The following ERICH1 variants were observed in gnomAD, a reference collection of about 807,000 sequenced individuals.
ERICH1 encodes glutamate-rich protein 1.
In ERICH1, 56 loss-of-function variants were observed where a neutral mutation model predicts 39.6. The observed-to-expected ratio is 1.41, with a 90% confidence interval of 1.14 to 1.77. The LOEUF (loss-of-function observed/expected upper bound fraction) is 1.77. Ranked by LOEUF, ERICH1 falls within the 40% of genes most tolerant of loss-of-function variation. The pLI is 0.00. For synonymous variants in ERICH1, 313 were observed against 223.6 expected, an observed-to-expected ratio of 1.40 and a Z score of -3.57; for missense variants, 826 against 575.4, an observed-to-expected ratio of 1.44 and a Z score of -4.45.
chr8:731,013 G>A, intron 1 of ERICH1, 127 bp downstream of exon 1: 1 of 1,129,494 alleles, frequency 8.9e-7, no homozygotes. Context: ...GGTGGAGGTG[G>A]GGAGTCGGTC....
At chr8:660,502 C>G (rs1801263096), downstream of ERICH1, among the ~76,000 whole-genome samples, 1 of 152,214 alleles carries the variant, frequency 6.6e-6, no homozygotes, top group Non-Finnish European at 1.5e-5. Context: ...CCTGCGGCCA[C>G]ACGAACAGCA....
chr8:678,553 T>C (rs564294863), intron 3 of ERICH1, among the ~76,000 whole-genome samples: 1 of 152,322 alleles, frequency 6.6e-6, no homozygotes, highest in Non-Finnish European at 1.5e-5. Context: ...ACTAAACATT[T>C]AAAGAAAAAG....
At chr8:685,970 C>G (rs913793952) in intron 3 of ERICH1, among the ~76,000 whole-genome samples, 1 of 136,512 alleles carries the variant, frequency 7.3e-6, no homozygotes, top group African/African-American at 2.9e-5. Context: ...CATGGTGAAA[C>G]CCCGTCTCTA....
At chr8:726,911 C>G (rs1346233389) in intron 1 of ERICH1, among the ~76,000 whole-genome samples, 1 of 151,064 alleles carries the variant, frequency 6.6e-6, no homozygotes, top group Admixed American at 6.6e-5. Flanking sequence ...CATGCATGTA[C>G]ACACAGACCA....
chr8:690,761 C>G (rs1808724411), intron 3 of ERICH1: 1 of 152,560 alleles, frequency 6.6e-6, no homozygotes, highest in Non-Finnish European at 1.5e-5. Flanking sequence ...CAAAAACAAA[C>G]AGCACTTTCC....
chr8:616,986 T>C lies in ERICH1; in HGVS notation c.977-1702A>G, dbSNP rs971557515. Among the ~76,000 whole-genome samples, 4 of 129,942 alleles carry C rather than the reference T, an allele frequency of 3.1e-5. 1 individual carries two copies. The highest frequency in any genetic ancestry group is 1.6e-4 in the Admixed American group (2 of 12,706). 85.2% of individuals were successfully genotyped at this position (129,942 alleles called of 152,430 possible). Reference sequence around the variant, plus strand: ...ACACAGAGAGAGAGAGAGAGAGACATTGGTTATATAAGCGAGCAAATATCC... The same window carrying C: ...ACACAGAGAGAGAGAGAGAGAGACACTGGTTATATAAGCGAGCAAATATCC... On this transcript the variant is annotated intron_variant, in intron 3 of 3. Coordinates refer to the ERICH1 transcript ENST00000522706.
At chr8:710,999 G>C (rs970903462) in intron 2 of ERICH1, among the ~76,000 whole-genome samples, 1 of 152,204 alleles carries the variant, frequency 6.6e-6, no homozygotes, top group Admixed American at 6.5e-5. Flanking sequence ...AGTGATGAGA[G>C]TCCTTGTTCC....
rs1252514724 is a variant in ERICH1, at chr8:675,177, GCCCCTCGTGAGGACAGAGACGCGGCGC to G, written c.305-1157_305-1131del. ...CCCTCGTGAGGACAGAGACGCGGCG[GCCCCTCGTGAGGACAGAGACGCGGCGC>G]CCCCTCGTGAGGACAGAGACGCGGC... On this transcript the variant is annotated intron_variant, in intron 3 of 5. Coordinates refer to ENST00000262109, the MANE Select transcript of ERICH1 (RefSeq NM_207332.3). Among the ~76,000 whole-genome samples the G allele has an allele frequency of 2.2e-4, 8 of 37,042 alleles. 1 individual carries two copies. Among genetic ancestry groups the G allele is most frequent in the East Asian group, 6.6e-4 (1 of 1,518 alleles). 24.3% of individuals were successfully genotyped at this position (37,042 alleles called of 152,430 possible).
At chr8:657,604 CTG>C (rs1222275986) in intron 3 of ERICH1, among the ~76,000 whole-genome samples, 1 of 150,436 alleles carries the variant, frequency 6.6e-6, no homozygotes, top group Admixed American at 6.7e-5. Flanking sequence ...GTATGGGTCT[CTG>C]TGGGGAAATG....
At chr8:670,308 C>G (rs1563216168) in intron 4 of ERICH1, among the ~76,000 whole-genome samples, 1 of 150,788 alleles carries the variant, frequency 6.6e-6, no homozygotes, top group Non-Finnish European at 1.5e-5. Flanking sequence ...TAACATCGGC[C>G]TCTCCCACTG....
chr8:715,838 C>T, intron 2 of ERICH1, 23 bp downstream of exon 2: 1 of 1,596,850 alleles, frequency 6.3e-7, no homozygotes, highest in Non-Finnish European at 8.5e-7. Flanking sequence ...CTGAGACCCA[C>T]CCACATCTGC....
At chr8:652,342 A>T (rs1800079892) in intron 3 of ERICH1, among the ~76,000 whole-genome samples, 1 of 152,242 alleles carries the variant, frequency 6.6e-6, no homozygotes, top group Non-Finnish European at 1.5e-5. Context: ...GAAGCAGTGG[A>T]CAGAGATAAA....
rs540464491 is a variant in ERICH1 at position 673,688 on chromosome 8, C to T, written c.664G>A (p.Gly222Arg). ...CTGGTATCTTTAACGTCTTCCTCCC[C>T]GGCCAGTGTCGGGTCTTCCTCGCTG... ...DTSEEDPTLA[G>R]EEDVKDTREE... The change falls in exon 4 of 6, where the codon GGG becomes AGG. Residue 222 changes from glycine (G) to arginine (R), a missense_variant. Physicochemically the swap from Gly to Arg is moderately radical, Grantham distance 125. Transcript: ENST00000262109. 3.0e-5 allele frequency: 48 copies of T among 1,613,698 alleles called. No individual in the cohort carries two copies. Among genetic ancestry groups the T allele is most frequent in the Middle Eastern group, 1.6e-4 (1 of 6,084 alleles).
intron 3 of ERICH1, among the ~76,000 whole-genome samples, chr8:658,933 G>C (rs923069104): frequency 6.6e-6 from 1 of 152,318 alleles, no homozygotes; most frequent in South Asian, 2.1e-4. Context: ...CCCTTACCAG[G>C]CTCTGGATTT....
chr8:694,251 C>A (rs994860419), intron 2 of ERICH1, among the ~76,000 whole-genome samples: 3 of 152,244 alleles, frequency 2.0e-5, no homozygotes, highest in African/African-American at 7.2e-5. Context: ...TGATTCACCG[C>A]AGCTGATTAA....
chr8:616,670 A>G, intron 3 of ERICH1: 1 of 451,616 alleles, frequency 2.2e-6, no homozygotes, highest in Admixed American at 2.4e-5. Context: ...CGGGGGACAG[A>G]GGCAGAGGGA....
intron 3 of ERICH1, among the ~76,000 whole-genome samples, chr8:630,272 C>G (rs1563167601): frequency 8.1e-6 from 1 of 122,776 alleles, no homozygotes. Flanking sequence ...TGACCACCCA[C>G]AGGCAGAGGT....
In ERICH1 at chr8:692,595, G is replaced by A. The variant is rs1320313416; in HGVS notation, c.187C>T (p.Pro63Ser). ...EPLTDTGSETPTARRLYTASG... is the reference protein window; with the variant it reads ...EPLTDTGSETSTARRLYTASG... ...GCAGTGTAGAGCCGTCGGGCAGTCGGGGTCTCAGAGCCAGTGTCTGCAACA... is the reference window on the plus strand; with the variant it reads ...GCAGTGTAGAGCCGTCGGGCAGTCGAGGTCTCAGAGCCAGTGTCTGCAACA... Residue 63 changes from proline to serine, a missense_variant, in exon 3 of 6, where the codon CCG (proline) becomes TCG (serine). By Grantham distance (74) the Pro-to-Ser change is moderately conservative. Transcript: ENST00000262109. 4 of 1,602,412 alleles carry A rather than the reference G, an allele frequency of 2.5e-6. No individual in the cohort carries two copies. The highest frequency in any genetic ancestry group is 1.7e-5 in the Admixed American group (1 of 58,230).
chr8:656,223 CT>C (rs1800643742), intron 3 of ERICH1, among the ~76,000 whole-genome samples: 1 of 152,166 alleles, frequency 6.6e-6, no homozygotes, highest in South Asian at 2.1e-4. Flanking sequence ...CTGTTTTCCC[CT>C]ACAAGCCTCC....
Sources: allele counts gnomAD v4.1 joint callset (sites outside exome capture counted in the v4.1 genomes callset), GRCh38; gene constraint gnomAD v4.1.1; transcripts MANE v1.5; gene names NCBI Gene and HGNC (gene_info 2026-07-23, HGNC 2026-07-21).